NPIPB2: variants seen among roughly 807,000 people sequenced by gnomAD.
NPIPB2 encodes the protein nuclear pore complex interacting protein family member B2, also known as nuclear pore complex-interacting protein family member B2.
NPIPB2 carries 27 observed loss-of-function variants against 30.8 expected under a neutral mutation model. The observed-to-expected ratio is 0.88, with a 90% confidence interval of 0.65 to 1.21. The LOEUF (loss-of-function observed/expected upper bound fraction) is 1.21, where lower values mean the gene tolerates loss of function less well. NPIPB2 is among the 50% of genes most tolerant of loss of function. NPIPB2 has a pLI of 0.00. For synonymous variants in NPIPB2, 147 were observed against 162.0 expected (o/e 0.91, Z 0.70); for missense variants, 440 against 446.2 (o/e 0.99, Z 0.13).
intron 1 of NPIPB2, among the ~76,000 whole-genome samples, chr16:11,970,452 A>G (rs561732822): frequency 6.6e-6 from 1 of 151,920 alleles, no homozygotes; most frequent in African/African-American, 2.4e-5. Context: ...ACCTCAGGTG[A>G]TCCACCCACT....
intron 2 of NPIPB2, among the ~76,000 whole-genome samples, chr16:11,935,541 T>C (rs557607404): frequency 8.5e-5 from 13 of 152,214 alleles, no homozygotes; most frequent in Non-Finnish European, 1.6e-4. Flanking sequence ...CTTGAACTCC[T>C]GACCTCAGAT....
upstream of NPIPB2, among the ~76,000 whole-genome samples, chr16:11,943,251 A>C (rs1294779966): frequency 6.6e-6 from 1 of 152,134 alleles, no homozygotes; most frequent in Non-Finnish European, 1.5e-5. Flanking sequence ...CCCGGGAGGC[A>C]GAGTTTGCAG....
At chr16:11,962,165 T>G (rs927488588) in intron 1 of NPIPB2, among the ~76,000 whole-genome samples, 1 of 129,446 alleles carries the variant, frequency 7.7e-6, no homozygotes, top group African/African-American at 3.0e-5. Context: ...GCCACTGCAC[T>G]CCAGCCTGGG....
chr16:11,945,360 A>G (rs2054995242), upstream of NPIPB2, among the ~76,000 whole-genome samples: 1 of 151,846 alleles, frequency 6.6e-6, no homozygotes, highest in South Asian at 2.1e-4. Context: ...CAGCCTGGGC[A>G]ACATAGTGAG....
intron 1 of NPIPB2, among the ~76,000 whole-genome samples, chr16:11,963,465 G>C (rs2055169303): frequency 1.3e-5 from 2 of 151,722 alleles, no homozygotes; most frequent in African/African-American, 4.8e-5. Flanking sequence ...AGGTTTCCTT[G>C]GCACACTCCT....
intron 1 of NPIPB2, among the ~76,000 whole-genome samples, chr16:11,976,132 T>TA (rs1359400339): frequency 6.6e-6 from 1 of 151,854 alleles, no homozygotes; most frequent in Admixed American, 6.6e-5. Flanking sequence ...CAATCTCCTT[T>TA]TCTCACTCAC....
chr16:11,937,556 C>T lies in NPIPB2; in HGVS notation c.176G>A (p.Trp59Ter). 6.3e-7 allele frequency: 1 copy of T among 1,598,476 alleles called. No homozygotes were observed. Among genetic ancestry groups the T allele is most frequent in the Non-Finnish European group, 8.5e-7 (1 of 1,179,020 alleles). The change falls in exon 2 of 8, where the codon TGG becomes TAG. Residue 59 changes from tryptophan to a stop codon, truncating the protein, a stop_gained. Transcript: ENST00000399147. LOFTEE classifies it high-confidence loss of function. ...TACACTCACCCAAAGGTAAACTGTCCAGAGGGTAAGGACAACTTTATAACT... is the reference window on the plus strand; with the variant it reads ...TACACTCACCCAAAGGTAAACTGTCTAGAGGGTAAGGACAACTTTATAACT...
chr16:11,965,289 T>C, intron 1 of NPIPB2: 3 of 1,613,126 alleles, frequency 1.9e-6, no homozygotes, highest in Non-Finnish European at 2.5e-6. Context: ...TTCCAGGCTG[T>C]TCTTTCTGTA....
At chr16:11,975,686 G>A (rs2055283529) in intron 1 of NPIPB2, among the ~76,000 whole-genome samples, 1 of 151,872 alleles carries the variant, frequency 6.6e-6, no homozygotes, top group South Asian at 2.1e-4. Flanking sequence ...TGCCTCCCGG[G>A]TTCAAGCAAT....
At chr16:11,943,566 G>T (rs2054967911), upstream of NPIPB2, among the ~76,000 whole-genome samples, 1 of 151,524 alleles carries the variant, frequency 6.6e-6, no homozygotes, top group African/African-American at 2.4e-5. Context: ...GCCAGGCATG[G>T]TGGCACACGC....
At chr16:11,961,054 G>T (rs1038368750) in intron 1 of NPIPB2, among the ~76,000 whole-genome samples, 5 of 151,806 alleles carry the variant, frequency 3.3e-5, no homozygotes, top group Non-Finnish European at 5.9e-5. Context: ...GTAGAGACTG[G>T]GTTTCACCAT....
chr16:11,947,626 G>A (rs2055025083), intron 1 of NPIPB2, among the ~76,000 whole-genome samples: 2 of 151,960 alleles, frequency 1.3e-5, no homozygotes, highest in Admixed American at 6.6e-5. Flanking sequence ...TTACAGGCGT[G>A]AGCCACCGCT....
chr16:11,960,065 G>A (rs575103149), intron 1 of NPIPB2, among the ~76,000 whole-genome samples: 8 of 152,048 alleles, frequency 5.3e-5, no homozygotes, highest in African/African-American at 1.7e-4. Flanking sequence ...GTGAGCCACC[G>A]TGCCCAGTCT....
At chr16:11,945,840 C>T (rs1054981509), upstream of NPIPB2, among the ~76,000 whole-genome samples, 2 of 151,974 alleles carry the variant, frequency 1.3e-5, no homozygotes, top group Admixed American at 1.3e-4. Context: ...GCAGAAACCC[C>T]TGCATTATTT....
intron 1 of NPIPB2, among the ~76,000 whole-genome samples, chr16:11,975,150 T>G: frequency 1.5e-5 from 1 of 66,146 alleles, no homozygotes; most frequent in South Asian, 6.6e-4. Context: ...CCTTTTTTTT[T>G]TTTTTTTTTT....
At chr16:11,936,256 G>A (rs567235588) in intron 2 of NPIPB2, among the ~76,000 whole-genome samples, 42 of 151,514 alleles carry the variant, frequency 2.8e-4, no homozygotes, top group African/African-American at 8.5e-4. Flanking sequence ...GTGAGCCGAG[G>A]TCACACCATT....
intron 4 of NPIPB2, among the ~76,000 whole-genome samples, chr16:11,933,193 A>C (rs889798223): frequency 1.3e-5 from 2 of 151,850 alleles, no homozygotes; most frequent in African/African-American, 4.8e-5. Context: ...CCCAAAAGGC[A>C]GTGAGCTGAC....
chr16:11,972,242 G>A (rs1200044050), intron 1 of NPIPB2, among the ~76,000 whole-genome samples: 1 of 152,196 alleles, frequency 6.6e-6, no homozygotes, highest in Non-Finnish European at 1.5e-5. Context: ...CCTCCAGGTG[G>A]CAGGCTTCAG....
At chr16:11,956,504 C>T (rs1001353401) in intron 1 of NPIPB2, among the ~76,000 whole-genome samples, 3 of 152,052 alleles carry the variant, frequency 2.0e-5, no homozygotes, top group Non-Finnish European at 2.9e-5. Context: ...GGTGAAACCC[C>T]ATCTCTATTA....
Sources: allele counts gnomAD v4.1 joint callset (sites outside exome capture counted in the v4.1 genomes callset), GRCh38; gene constraint gnomAD v4.1.1; transcripts MANE v1.5; gene names NCBI Gene and HGNC (gene_info 2026-07-23, HGNC 2026-07-21).